ZNF26: variants seen among roughly 807,000 people sequenced by gnomAD.
ZNF26 encodes epididymis luminal protein 179.
A neutral mutation model predicts 54.9 loss-of-function variants in ZNF26; 32 were observed. The ratio of observed to expected loss-of-function variants is 0.58; its 90% CI spans 0.44 to 0.78. The LOEUF is 0.78. ZNF26 is among the 30% of genes least tolerant of loss of function. ZNF26 has a pLI of 0.00. For missense variants in ZNF26, 524 were observed against 634.0 expected (o/e 0.83, Z 1.86); for synonymous variants, 221 against 209.2 (o/e 1.06, Z -0.49).
At chr12:132,995,933 TG>T (rs1953071893) in intron 1 of ZNF26, among the ~76,000 whole-genome samples, 1 of 152,198 alleles carries the variant, frequency 6.6e-6, no homozygotes, top group Admixed American at 6.5e-5. Context: ...ATTACAGGGG[TG>T]AGCCACCATA....
intron 3 of ZNF26, among the ~76,000 whole-genome samples, chr12:133,008,448 C>A (rs1391838903): frequency 1.3e-5 from 2 of 152,116 alleles, no homozygotes; most frequent in African/African-American, 2.4e-5. Context: ...CAACTCCAGA[C>A]ATGTGTTAGG....
At chr12:132,986,972 T>C in intron 1 of ZNF26, 99 bp downstream of exon 1, 1 of 1,339,706 alleles carries the variant, frequency 7.5e-7, no homozygotes, top group Non-Finnish European at 1.0e-6. Flanking sequence ...CACATTCAGC[T>C]GTAATTGTGT....
rs1035811867 is a variant in ZNF26, at chr12:133,019,925, G to A, written c.*8444G>A. On this transcript the variant is annotated 3_prime_UTR_variant, in exon 4 of 4. Transcript: ENST00000328654. ...AGCTTCACCAGCCTGGTGAAACCCC[G>A]TCTCTACTAAAAATACAAAAGTTAG... 2.6e-5 allele frequency: 4 copies of A among 152,208 alleles called. No individual in the cohort carries two copies. The South Asian group carries it at 6.2e-4, about 24-fold the overall frequency. The allele number at this position is 152,208 out of a possible 1,614,324, so 9.4% of individuals were successfully genotyped here.
At chr12:133,000,315 C>T (rs1016336833) in intron 1 of ZNF26, among the ~76,000 whole-genome samples, 172 of 151,862 alleles carry the variant, frequency 1.1e-3, no homozygotes, top group African/African-American at 3.9e-3. Flanking sequence ...TGTAGTGGCA[C>T]GTTCTCGCTC....
At chr12:133,006,849 T>C (rs1953341588) in intron 1 of ZNF26, 193 bp from the exon 2 acceptor site, 2 of 632,766 alleles carry the variant, frequency 3.2e-6, no homozygotes, top group African/African-American at 1.8e-5. Flanking sequence ...CGCCTTGGCC[T>C]CCGAAAGTGC....
chr12:133,002,526 C>T (rs1953241223), intron 1 of ZNF26, among the ~76,000 whole-genome samples: 1 of 152,024 alleles, frequency 6.6e-6, no homozygotes, highest in Admixed American at 6.6e-5. Context: ...TAGGTATAAC[C>T]TCATCAGAGA....
In ZNF26 at chr12:133,022,016, TGA is replaced by T. The variant is rs1485765289; in HGVS notation, c.*10538_*10539del. 8.5e-5 allele frequency: 13 copies of T among 152,058 alleles called. No homozygotes were observed. The highest frequency in any genetic ancestry group is 3.1e-4 in the African/African-American group (13 of 41,394). 9.4% of individuals were successfully genotyped at this position (152,058 alleles called of 1,614,324 possible). A position where few individuals can be genotyped will look rare whatever the true frequency, so the allele number is the denominator to read the frequency against. On this transcript the variant is annotated 3_prime_UTR_variant, in exon 4 of 4. Coordinates refer to ENST00000328654, the MANE Select transcript of ZNF26 (RefSeq NM_019591.4). The stretch of plus-strand genomic sequence containing the variant: ...GGCGGATCACTTGAGGTCAGGAGTT[TGA>T]GACCAGTCTAGCCAACATGGTGATA...
At position 132,989,028 on chromosome 12, in the gene ZNF26, A is replaced by ATTTTTTTTTT. The variant is rs150395603; in HGVS notation, c.33+2174_33+2183dup. On this transcript the variant is annotated intron_variant, in intron 1 of 3. Transcript: ENST00000328654. ...TGTAGTTCCAGGAGTCTTTCGGTGAATTTTTTTTTTTTTTTTTTTTTTTTT... is the reference window on the plus strand; with the variant it reads ...TGTAGTTCCAGGAGTCTTTCGGTGAATTTTTTTTTTTTTTTTTTTTTTTTTTTTTTTTTTT... Among the ~76,000 whole-genome samples the ATTTTTTTTTT allele has an allele frequency of 2.5e-5, 2 of 78,850 alleles. 1 individual carries two copies. The highest frequency in any genetic ancestry group is 1.0e-4 in the African/African-American group (2 of 20,090). The allele number at this position is 78,850 out of a possible 152,430, so 51.7% of individuals were successfully genotyped here.
At chr12:133,008,111 C>A (rs1389853783) in intron 3 of ZNF26, among the ~76,000 whole-genome samples, 2 of 152,134 alleles carry the variant, frequency 1.3e-5, no homozygotes, top group Non-Finnish European at 1.5e-5. Context: ...CGCTTTCCCC[C>A]CAGTGTTGTA....
In ZNF26 at chr12:132,986,523, A is replaced by G. The variant is rs1465756612; in HGVS notation, c.-318A>G. ...TTATCCTGGGCAGACCAGAGACTTG[A>G]CCAGCTAAACACTTCCGTCGGTCCG... On this transcript the variant is annotated 5_prime_UTR_variant, in exon 1 of 4. Transcript: ENST00000328654. 42 of 471,340 alleles carry G rather than the reference A, an allele frequency of 8.9e-5. No homozygotes were observed. The highest frequency in any genetic ancestry group is 5.1e-4 in the South Asian group (19 of 37,450). 29.2% of individuals were successfully genotyped at this position (471,340 alleles called of 1,614,324 possible).
At position 133,024,690 on chromosome 12, in the gene ZNF26, A is replaced by G. The variant is rs1953679886; in HGVS notation, c.*13209A>G. The G allele has an allele frequency of 6.6e-6, 1 of 152,214 alleles. No individual in the cohort carries two copies. The highest frequency in any genetic ancestry group is 2.1e-4 in the South Asian group (1 of 4,832). The allele number at this position is 152,214 out of a possible 1,614,324, so 9.4% of individuals were successfully genotyped here. On this transcript the variant is annotated 3_prime_UTR_variant, in exon 4 of 4. Coordinates refer to ENST00000328654, the MANE Select transcript of ZNF26 (RefSeq NM_019591.4). ...CCTCCTGACCCCCTTCAATGAATAA[A>G]CAAAAAGGACTTCTAAGGACTTGAG...
rs1456604095 is a variant in ZNF26 at position 132,988,412 on chromosome 12, T to A, written c.33+1539T>A. Among the ~76,000 whole-genome samples the A allele has an allele frequency of 1.2e-3, 181 of 151,370 alleles. 3 individuals are homozygous for A. The highest frequency in any genetic ancestry group is 0.011 in the East Asian group (58 of 5,068). On this transcript the variant is annotated intron_variant, in intron 1 of 3. Transcript: ENST00000328654. ...CACCACATCAGGCTAATTAAAAATT[T>A]TTTTTTTTTTTTGTACAGATAGGGT...
Position 133,022,770 on chromosome 12 carries a change from C to A in ZNF26, c.*11289C>A, listed in dbSNP as rs958157247. The A allele has an allele frequency of 3.3e-5, 5 of 152,142 alleles. No individual in the cohort carries two copies. Among genetic ancestry groups the A allele is most frequent in the Admixed American group, 6.6e-5 (1 of 15,254 alleles). 9.4% of individuals were successfully genotyped at this position (152,142 alleles called of 1,614,324 possible). A position where few individuals can be genotyped will look rare whatever the true frequency, so the allele number is the denominator to read the frequency against. ...TTGAACAAGCTTGAACAAATTGAAT[C>A]ATCAATATGTTCAAGTCCTAGACAT... is the stretch of plus-strand genomic sequence containing the variant. On this transcript the variant is annotated 3_prime_UTR_variant, in exon 4 of 4. Coordinates refer to ENST00000328654, the MANE Select transcript of ZNF26 (RefSeq NM_019591.4).
chr12:133,023,129 A>T lies in ZNF26; in HGVS notation c.*11648A>T, dbSNP rs990173728. On this transcript the variant is annotated 3_prime_UTR_variant, in exon 4 of 4. Coordinates refer to ENST00000328654, the MANE Select transcript of ZNF26 (RefSeq NM_019591.4). ...GGGGCTATACAACAGTTTAGATTTT[A>T]AAAAATTATGGGAGAATACTAAGGA... 2.0e-5 allele frequency: 3 copies of T among 152,228 alleles called. No individual in the cohort carries two copies. Among genetic ancestry groups the T allele is most frequent in the Admixed American group, 6.5e-5 (1 of 15,282 alleles). 9.4% of individuals were successfully genotyped at this position (152,228 alleles called of 1,614,324 possible).
At position 133,017,192 on chromosome 12, in the gene ZNF26, T is replaced by C. The variant is rs1427131006; in HGVS notation, c.*5711T>C. ...CCCCAGAAAATAACAGTATGTAACATTGGAAGAAGTCTAATAATTTTTAGG... is the reference window on the plus strand; with the variant it reads ...CCCCAGAAAATAACAGTATGTAACACTGGAAGAAGTCTAATAATTTTTAGG... On this transcript the variant is annotated 3_prime_UTR_variant, in exon 4 of 4. Coordinates refer to ENST00000328654, the MANE Select transcript of ZNF26 (RefSeq NM_019591.4). The C allele has an allele frequency of 1.3e-5, 2 of 152,166 alleles. No individual in the cohort carries two copies. Among genetic ancestry groups the C allele is most frequent in the East Asian group, 1.9e-4 (1 of 5,202 alleles). The allele number at this position is 152,166 out of a possible 1,614,324, so 9.4% of individuals were successfully genotyped here.
intron 1 of ZNF26, among the ~76,000 whole-genome samples, chr12:132,990,009 G>A (rs1040375119): frequency 1.1e-4 from 17 of 151,970 alleles, no homozygotes; most frequent in Non-Finnish European, 1.9e-4. Flanking sequence ...TTTTTTTTCT[G>A]GGCCAGATGT....
Position 133,002,320 on chromosome 12 carries a change from T to C in ZNF26, c.34-4722T>C, listed in dbSNP as rs1157679549. Among the ~76,000 whole-genome samples, 4 of 152,198 alleles carry C rather than the reference T, an allele frequency of 2.6e-5. No homozygotes were observed. In the East Asian group the frequency reaches 7.8e-4, roughly 30 times the overall value. On this transcript the variant is annotated intron_variant, in intron 1 of 3. Coordinates refer to ENST00000328654, the MANE Select transcript of ZNF26 (RefSeq NM_019591.4). Reference sequence around the variant, plus strand: ...AGGATGCCCAGAATCCAGCCACCATTTATCATCCCCATCGCTGTCACTTTG... The same window carrying C: ...AGGATGCCCAGAATCCAGCCACCATCTATCATCCCCATCGCTGTCACTTTG...
chr12:132,992,780 GTCTT>G (rs1952991447), intron 1 of ZNF26, among the ~76,000 whole-genome samples: 1 of 152,082 alleles, frequency 6.6e-6, no homozygotes, highest in African/African-American at 2.4e-5. Flanking sequence ...GGCACCGACT[GTCTT>G]TCTTCTGTTC....
At chr12:132,990,006 T>G (rs1952912717) in intron 1 of ZNF26, among the ~76,000 whole-genome samples, 1 of 152,068 alleles carries the variant, frequency 6.6e-6, no homozygotes. Context: ...AGATTTTTTT[T>G]CTGGGCCAGA....
Sources: allele counts gnomAD v4.1 joint callset (sites outside exome capture counted in the v4.1 genomes callset), GRCh38; gene constraint gnomAD v4.1.1; transcripts MANE v1.5; gene names NCBI Gene and HGNC (gene_info 2026-07-23, HGNC 2026-07-21).